Variants in PAK1 observed in about 807,000 individuals in gnomAD.
PAK1 encodes p21 (RAC1) activated kinase 1, also known as serine/threonine-protein kinase PAK 1.
Under a neutral mutation model 67.4 loss-of-function variants are expected in PAK1, and 29 were observed. The observed-to-expected ratio is 0.43, with a 90% confidence interval of 0.32 to 0.59. PAK1 has a LOEUF of 0.59. PAK1 is among the 20% of genes least tolerant of loss of function. PAK1 has a pLI of 0.07. For synonymous variants in PAK1, 223 were observed against 237.4 expected (o/e 0.94, Z 0.56); for missense variants, 337 against 670.7 (o/e 0.50, Z 5.50).
chr11:77,505,763 A>G, the PAK1 span, among the ~76,000 whole-genome samples: 2 of 152,234 alleles, frequency 1.3e-5, no homozygotes, highest in Non-Finnish European at 2.9e-5. Context: ...GATGAATAAT[A>G]TCCCATTGTA....
chr11:77,362,377 T>G (rs1228767070), intron 5 of PAK1, among the ~76,000 whole-genome samples: 3 of 152,188 alleles, frequency 2.0e-5, no homozygotes, highest in African/African-American at 4.8e-5. Context: ...AATTTTTAGT[T>G]TGATTTTCTT....
At chr11:77,474,322 T>G (rs1958018733), upstream of PAK1, 1 of 151,932 alleles carries the variant, frequency 6.6e-6, no homozygotes, top group South Asian at 2.1e-4. Context: ...GGCCAAACCC[T>G]GGCCCGCATG....
intron 7 of PAK1, among the ~76,000 whole-genome samples, chr11:77,354,198 A>G (rs891180010): frequency 6.6e-6 from 1 of 152,164 alleles, no homozygotes; most frequent in African/African-American, 2.4e-5. Context: ...ACTGGGTTTT[A>G]TAACTTGTAT....
At chr11:77,355,557 A>C in intron 7 of PAK1, 111 bp downstream of exon 7, 2 of 816,010 alleles carry the variant, frequency 2.5e-6, no homozygotes, top group Non-Finnish European at 4.1e-6. Flanking sequence ...TCTGTGCCTA[A>C]GGTACCAAGC....
chr11:77,392,473 C>G lies in PAK1; in HGVS notation c.48G>C (p.Pro16=), dbSNP rs201876259. 8.1e-6 allele frequency: 13 copies of G among 1,613,720 alleles called. No homozygotes were observed. The highest frequency in any genetic ancestry group is 1.1e-5 in the Non-Finnish European group (13 of 1,179,822). ...LDIQDKPPAP[P]MRNTSTMIGA... The stretch of plus-strand genomic sequence containing the variant: ...CAATCATAGTGCTGGTATTTCTCAT[C>G]GGAGGGGCTGGGGGTTTGTCTTGAA... Residue 16 remains proline, a synonymous_variant, in exon 2 of 15, where the codon CCG becomes CCC. Coordinates refer to ENST00000356341, the MANE Select transcript of PAK1 (RefSeq NM_002576.5).
chr11:77,337,337 G>A lies in PAK1; in HGVS notation c.1203C>T (p.Gly401=), dbSNP rs780100881. Residue 401 remains glycine (G), a synonymous_variant, in exon 12 of 15, where the codon GGC becomes GGT. Transcript: ENST00000356341. ...GCTCCTACTTACTTAGCTTGACAGA[G>A]CCATCCATTCCCAACAGAATATTGT... ...KSDNILLGMD[G]SVKLTDFGFC... The A allele has an allele frequency of 2.7e-5, 43 of 1,588,456 alleles. No homozygotes were observed. The East Asian group carries it at 8.7e-4, about 32-fold the overall frequency.
the PAK1 span, among the ~76,000 whole-genome samples, chr11:77,520,317 G>T: frequency 1.3e-5 from 2 of 152,144 alleles, no homozygotes; most frequent in African/African-American, 4.8e-5. Flanking sequence ...CCTATCTAAA[G>T]GTCCCTGGCA....
intron 12 of PAK1, 44 bp from the exon 13 acceptor site, chr11:77,336,326 C>A (rs753125629): frequency 2.1e-6 from 3 of 1,454,642 alleles, no homozygotes; most frequent in African/African-American, 2.8e-5. Flanking sequence ...TTAGGATATA[C>A]ACTCACTTCA....
At chr11:77,437,866 A>G (rs1477116002) in intron 1 of PAK1, among the ~76,000 whole-genome samples, 1 of 152,224 alleles carries the variant, frequency 6.6e-6, no homozygotes, top group East Asian at 1.9e-4. Flanking sequence ...ACTTAGAATG[A>G]GCAAGTAATC....
intron 1 of PAK1, among the ~76,000 whole-genome samples, chr11:77,443,513 T>C (rs1394953516): frequency 1.3e-5 from 2 of 152,040 alleles, no homozygotes; most frequent in Non-Finnish European, 2.9e-5. Context: ...CAAGAAGCCA[T>C]AATCACCAGT....
chr11:77,509,265 T>A, the PAK1 span, among the ~76,000 whole-genome samples: 1 of 151,210 alleles, frequency 6.6e-6, no homozygotes, highest in Non-Finnish European at 1.5e-5. Flanking sequence ...CTCAAAAAAA[T>A]AAATAAAATA....
At chr11:77,525,980 G>A in the PAK1 span, among the ~76,000 whole-genome samples, 1 of 152,128 alleles carries the variant, frequency 6.6e-6, no homozygotes, top group Non-Finnish European at 1.5e-5. Flanking sequence ...GACCTCTTTG[G>A]AGAGGAGGTT....
At chr11:77,408,685 G>C (rs540658978) in intron 1 of PAK1, among the ~76,000 whole-genome samples, 2 of 152,140 alleles carry the variant, frequency 1.3e-5, no homozygotes, top group Non-Finnish European at 2.9e-5. Context: ...GTTGATTAAC[G>C]AAGTGGAGAC....
intron 10 of PAK1, among the ~76,000 whole-genome samples, chr11:77,343,121 C>A (rs1943882310): frequency 1.3e-5 from 2 of 151,718 alleles, no homozygotes; most frequent in South Asian, 4.2e-4. Flanking sequence ...AAGTAAAGCA[C>A]AATACAAATA....
In PAK1 at chr11:77,374,414, A is replaced by G. The variant is rs116421725; in HGVS notation, c.440-49T>C. The G allele has an allele frequency of 5.8e-4, 767 of 1,311,222 alleles. 3 individuals carry two copies. The African/African-American group carries it at 0.01, about 17-fold the overall frequency. 81.2% of individuals were successfully genotyped at this position (1,311,222 alleles called of 1,614,324 possible). The stretch of plus-strand genomic sequence containing the variant: ...ACTTAGTCAATAACAGTTACAGTTA[A>G]ATTTTTCTGGACAGCAAAAGAAGTC... On this transcript the variant is annotated intron_variant, in intron 4 of 14. Coordinates refer to ENST00000356341, the MANE Select transcript of PAK1 (RefSeq NM_002576.5).
At chr11:77,477,678 C>T (rs1260830326), upstream of PAK1, among the ~76,000 whole-genome samples, 5 of 151,938 alleles carry the variant, frequency 3.3e-5, no homozygotes, top group South Asian at 2.1e-4. Flanking sequence ...ACTTAAGCCC[C>T]GGAGGTCAAG....
At chr11:77,340,619 C>G (rs778887226) in intron 11 of PAK1, 27 bp downstream of exon 11, 1 of 1,148,526 alleles carries the variant, frequency 8.7e-7, no homozygotes, top group South Asian at 1.2e-5. Flanking sequence ...AGCTTTCTAC[C>G]CAAGACTGCT....
chr11:77,361,217 G>A lies in PAK1; in HGVS notation c.478-2200C>T, dbSNP rs752701905. Among the ~76,000 whole-genome samples the A allele has an allele frequency of 1.9e-4, 29 of 152,176 alleles. 1 individual carries two copies. The highest frequency in any genetic ancestry group is 1.3e-4 in the Non-Finnish European group (9 of 68,012). On this transcript the variant is annotated intron_variant, in intron 5 of 14. Transcript: ENST00000356341. Reference sequence around the variant, plus strand: ...GGTGGGGAGATACTATTTTAGATACGATAGGCACAGGCAAGCCTCTCTAAT... The same window carrying A: ...GGTGGGGAGATACTATTTTAGATACAATAGGCACAGGCAAGCCTCTCTAAT...
At chr11:77,357,338 A>G (rs866525872) in intron 6 of PAK1, among the ~76,000 whole-genome samples, 2 of 152,150 alleles carry the variant, frequency 1.3e-5, no homozygotes, top group Non-Finnish European at 2.9e-5. Context: ...GAACAGCAAT[A>G]AGCCAAGACG....
Sources: allele counts gnomAD v4.1 joint callset (sites outside exome capture counted in the v4.1 genomes callset), GRCh38; gene constraint gnomAD v4.1.1; transcripts MANE v1.5; gene names NCBI Gene and HGNC (gene_info 2026-07-23, HGNC 2026-07-21).